The following ASB4 variants were observed in gnomAD, a reference collection of about 807,000 sequenced individuals.
ASB4 encodes the protein ankyrin repeat and SOCS box protein 4.
A neutral mutation model predicts 38.6 loss-of-function variants in ASB4; 35 were observed. The ratio of observed to expected loss-of-function variants is 0.91; its 90% CI spans 0.69 to 1.20. ASB4 has a LOEUF of 1.20. Ranked by LOEUF, ASB4 falls within the 50% of genes most tolerant of loss-of-function variation. ASB4 has a pLI of 0.00. For missense variants in ASB4, 557 were observed against 527.2 expected (o/e 1.06, Z -0.55); for synonymous variants, 195 against 201.3 (o/e 0.97, Z 0.26).
chr7:95,547,765 G>A, the ASB4 span, among the ~76,000 whole-genome samples: 1 of 152,256 alleles, frequency 6.6e-6, no homozygotes. Context: ...TCATCCCATC[G>A]GTTGAATGCC....
chr7:95,492,836 T>C (rs1236930217), intron 1 of ASB4, among the ~76,000 whole-genome samples: 1 of 152,224 alleles, frequency 6.6e-6, no homozygotes, highest in Non-Finnish European at 1.5e-5. Context: ...TGAGGAAATT[T>C]GAGTATTAAA....
intron 1 of ASB4, among the ~76,000 whole-genome samples, chr7:95,493,868 A>G (rs1462313159): frequency 1.3e-5 from 2 of 151,880 alleles, no homozygotes; most frequent in Non-Finnish European, 2.9e-5. Context: ...CCTTTTTTTA[A>G]TGGTTGTATA....
At chr7:95,477,014 G>T (rs542476561), upstream of ASB4, among the ~76,000 whole-genome samples, 1 of 152,186 alleles carries the variant, frequency 6.6e-6, no homozygotes, top group African/African-American at 2.4e-5. Context: ...AATATGATCA[G>T]GAAAGATATG....
intron 1 of ASB4, among the ~76,000 whole-genome samples, chr7:95,488,266 G>C (rs1023062916): frequency 7.2e-5 from 11 of 152,204 alleles, no homozygotes; most frequent in East Asian, 5.8e-4. Context: ...GTGTGAACCC[G>C]GGAGGCGGAG....
intron 2 of ASB4, among the ~76,000 whole-genome samples, chr7:95,520,670 A>G (rs1165130138): frequency 6.6e-6 from 1 of 151,152 alleles, no homozygotes; most frequent in Admixed American, 6.6e-5. Flanking sequence ...CACACACTAG[A>G]GATGAAATCT....
intron 4 of ASB4, among the ~76,000 whole-genome samples, chr7:95,537,172 T>C (rs1790900053): frequency 6.6e-6 from 1 of 152,218 alleles, no homozygotes; most frequent in Admixed American, 6.5e-5. Context: ...TGTAATCTTA[T>C]TCTGCTACTT....
At chr7:95,472,812 A>G in the ASB4 span, among the ~76,000 whole-genome samples, 2 of 152,178 alleles carry the variant, frequency 1.3e-5, no homozygotes, top group South Asian at 4.1e-4. Context: ...GTCTATGTAT[A>G]ACATTTCAGC....
At chr7:95,515,175 TTCTTTCTTTCTTTCTTTC>T (rs1790542368) in intron 2 of ASB4, among the ~76,000 whole-genome samples, 1 of 66,474 alleles carries the variant, frequency 1.5e-5, no homozygotes, top group Admixed American at 1.3e-4. Flanking sequence ...TTCTCTTTCT[TTCTTTCTTTCTTTCTTTC>T]TTTCTTTCTT....
intron 2 of ASB4, 187 bp downstream of exon 2, chr7:95,496,244 T>C: frequency 1.9e-6 from 1 of 521,492 alleles, no homozygotes; most frequent in Non-Finnish European, 3.3e-6. Flanking sequence ...ATTAAAATCT[T>C]ATTATCTAAT....
At chr7:95,484,338 A>G (rs181205120), upstream of ASB4, among the ~76,000 whole-genome samples, 107 of 152,296 alleles carry the variant, frequency 7.0e-4, no homozygotes, top group Non-Finnish European at 1.1e-3. Flanking sequence ...CTCAAAAAAA[A>G]ATAACAAACA....
At chr7:95,540,821 C>T (rs1465663981), downstream of ASB4, among the ~76,000 whole-genome samples, 2 of 152,132 alleles carry the variant, frequency 1.3e-5, no homozygotes, top group Non-Finnish European at 1.5e-5. Flanking sequence ...CCATTCTAAA[C>T]CCAGTGGGTT....
At chr7:95,512,847 A>T (rs989558165) in intron 2 of ASB4, among the ~76,000 whole-genome samples, 1 of 152,112 alleles carries the variant, frequency 6.6e-6, no homozygotes. Context: ...TCAGTGCGTT[A>T]GGAAGAAAAA....
downstream of ASB4, among the ~76,000 whole-genome samples, chr7:95,541,336 C>T (rs1259375741): frequency 2.0e-5 from 3 of 152,176 alleles, no homozygotes; most frequent in African/African-American, 7.2e-5. Flanking sequence ...CACTCAGTAG[C>T]ATTTTATTGG....
chr7:95,528,397 A>T, intron 3 of ASB4, 94 bp downstream of exon 3: 1 of 1,581,542 alleles, frequency 6.3e-7, no homozygotes. Context: ...TTGAGGCTTG[A>T]GTCCTGGGCT....
At chr7:95,505,401 A>C (rs1213026908) in intron 2 of ASB4, among the ~76,000 whole-genome samples, 1 of 152,208 alleles carries the variant, frequency 6.6e-6, no homozygotes, top group Non-Finnish European at 1.5e-5. Context: ...ATATTTAGCA[A>C]AAGAGGTGGA....
At chr7:95,519,251 A>AC (rs1030848596) in intron 2 of ASB4, among the ~76,000 whole-genome samples, 2 of 152,240 alleles carry the variant, frequency 1.3e-5, no homozygotes, top group African/African-American at 4.8e-5. Context: ...TCGACACTGT[A>AC]CAAAATTGCA....
At chr7:95,496,182 G>A (rs1265098212) in intron 2 of ASB4, 125 bp downstream of exon 2, 2 of 830,802 alleles carry the variant, frequency 2.4e-6, no homozygotes, top group Non-Finnish European at 3.7e-6. Flanking sequence ...TAGTACAGAA[G>A]GCCCTAAAAA....
At chr7:95,502,394 G>C (rs1050599955) in intron 2 of ASB4, among the ~76,000 whole-genome samples, 4 of 151,312 alleles carry the variant, frequency 2.6e-5, no homozygotes, top group East Asian at 1.9e-4. Flanking sequence ...CAGCCTGCGG[G>C]GGGGGGGCAA....
At position 95,539,739 on chromosome 7, in the gene ASB4, G is replaced by A. The variant is rs1299161658; in HGVS notation, c.*1980G>A. On this transcript the variant is annotated 3_prime_UTR_variant, in exon 5 of 5. Coordinates refer to ENST00000325885, the MANE Select transcript of ASB4 (RefSeq NM_016116.3). ...GGACTATGGGGACTTGCAAGGGGAAGCTTGAGAGTGGGGTGAGGGATAAAA... is the reference window on the plus strand; with the variant it reads ...GGACTATGGGGACTTGCAAGGGGAAACTTGAGAGTGGGGTGAGGGATAAAA... The A allele has an allele frequency of 3.3e-5, 5 of 152,322 alleles. No individual in the cohort carries two copies. Among genetic ancestry groups the A allele is most frequent in the African/African-American group, 9.6e-5 (4 of 41,456 alleles). The allele number at this position is 152,322 out of a possible 1,614,324, so 9.4% of individuals were successfully genotyped here.
Sources: allele counts gnomAD v4.1 joint callset (sites outside exome capture counted in the v4.1 genomes callset), GRCh38; gene constraint gnomAD v4.1.1; transcripts MANE v1.5; gene names NCBI Gene and HGNC (gene_info 2026-07-23, HGNC 2026-07-21).